The following NOTCH2NLC variants were observed in gnomAD, a reference collection of about 807,000 sequenced individuals.
The protein encoded by NOTCH2NLC is notch homolog 2 N-terminal-like protein C.
NOTCH2NLC carries 4 observed loss-of-function variants against 17.7 expected under a neutral mutation model. The ratio of observed to expected loss-of-function variants is 0.23; its 90% CI spans 0.11 to 0.52. NOTCH2NLC has a LOEUF of 0.52. Among genes scored for constraint, NOTCH2NLC ranks in the 20% least tolerant of loss-of-function variants. NOTCH2NLC has a pLI of 0.96. For synonymous variants in NOTCH2NLC, 18 were observed against 86.0 expected, an observed-to-expected ratio of 0.21 and a Z score of 4.38; for missense variants, 57 against 207.2, an observed-to-expected ratio of 0.28 and a Z score of 4.45.
intron 2 of NOTCH2NLC, among the ~76,000 whole-genome samples, chr1:149,453,501 C>A (rs1302270811): frequency 6.9e-6 from 1 of 145,616 alleles, no homozygotes; most frequent in Non-Finnish European, 1.6e-5. Flanking sequence ...TGTGCCCAGC[C>A]CACTTGCAAA....
At chr1:149,428,865 A>G (rs1283070846) in intron 1 of NOTCH2NLC, among the ~76,000 whole-genome samples, 1 of 150,556 alleles carries the variant, frequency 6.6e-6, no homozygotes, top group East Asian at 2.0e-4. Context: ...TTCCTTTCCT[A>G]CTGTGACGGT....
In NOTCH2NLC at chr1:149,390,802, A is replaced by AGACGGC. The variant is rs1553702671; in HGVS notation, c.16_17insACGGCG (p.Pro5_Gly6insAspGly). The AGACGGC allele has an allele frequency of 1.2e-6, 1 of 827,874 alleles. No homozygotes were observed. The highest frequency in any genetic ancestry group is 3.0e-5 in the South Asian group (1 of 33,724). The allele number at this position is 827,874 out of a possible 1,614,324, so 51.3% of individuals were successfully genotyped here. ...ACCCCCTCCCCATGTGGATCTGCCCAGGCGGCGGCGGCGGCGGCGGCGGCG... is the reference window on the plus strand; with the variant it reads ...ACCCCCTCCCCATGTGGATCTGCCCAGACGGCGGCGGCGGCGGCGGCGGCGGCGGCG... On this transcript the variant is annotated inframe_insertion, in exon 1 of 5. Coordinates refer to ENST00000650865, the MANE Select transcript of NOTCH2NLC (RefSeq NM_001364013.2).
intron 1 of NOTCH2NLC, among the ~76,000 whole-genome samples, chr1:149,424,980 C>T (rs2084405045): frequency 6.6e-6 from 1 of 151,348 alleles, no homozygotes; most frequent in Admixed American, 6.6e-5. Context: ...TAGGCCCCAC[C>T]TTCAACATTG....
intron 1 of NOTCH2NLC, among the ~76,000 whole-genome samples, chr1:149,429,844 G>C (rs1164455035): frequency 1.3e-5 from 2 of 150,076 alleles, no homozygotes; most frequent in African/African-American, 4.9e-5. Context: ...GAACTTCTCA[G>C]TTTTGCTTTC....
At chr1:149,449,691 A>G (rs2084580595) in intron 2 of NOTCH2NLC, among the ~76,000 whole-genome samples, 1 of 151,398 alleles carries the variant, frequency 6.6e-6, no homozygotes, top group Non-Finnish European at 1.5e-5. Flanking sequence ...AATTTAGTAG[A>G]CTTTAGTATT....
In NOTCH2NLC at chr1:149,471,270, G is replaced by A. The variant is rs1311507764; in HGVS notation, c.*7117G>A. Among the ~76,000 whole-genome samples, 14 of 150,786 alleles carry A rather than the reference G, an allele frequency of 9.3e-5. 2 individuals are homozygous for A. Among genetic ancestry groups the A allele is most frequent in the South Asian group, 6.3e-4 (3 of 4,768 alleles). The stretch of plus-strand genomic sequence containing the variant: ...TTGCAGATATTTTCTGTCATTCTAT[G>A]TACTGTCTTTTCACATTCTTGATGA... On this transcript the variant is annotated 3_prime_UTR_variant, in exon 5 of 5. Transcript: ENST00000650865.
intron 3 of NOTCH2NLC, among the ~76,000 whole-genome samples, chr1:149,461,812 A>T (rs2084651527): frequency 6.7e-6 from 1 of 149,480 alleles, no homozygotes; most frequent in South Asian, 2.1e-4. Context: ...ATAAAAAAGG[A>T]TGAGTTCATG....
rs1345379901 is a variant in NOTCH2NLC at position 149,390,766 on chromosome 1, C to T, written c.-22C>T. On this transcript the variant is annotated 5_prime_UTR_variant, in exon 1 of 5. Transcript: ENST00000650865. ...GAGGAGGGGAGGAGAGAGTGGGGCT[C>T]CTCTATCGGGACCCCCTCCCCATGT... is the stretch of plus-strand genomic sequence containing the variant. The T allele has an allele frequency of 8.0e-6, 10 of 1,248,112 alleles. No individual in the cohort carries two copies. The Admixed American group carries it at 2.2e-4, about 28-fold the overall frequency. The allele number at this position is 1,248,112 out of a possible 1,614,324, so 77.3% of individuals were successfully genotyped here.
intron 3 of NOTCH2NLC, among the ~76,000 whole-genome samples, chr1:149,463,216 G>A (rs1461971882): frequency 6.7e-6 from 1 of 149,886 alleles, no homozygotes; most frequent in Middle Eastern, 3.2e-3. Flanking sequence ...ATTGCTGATA[G>A]CGTCCTGCAG....
chr1:149,417,284 A>T (rs1439710638), intron 1 of NOTCH2NLC, among the ~76,000 whole-genome samples: 1 of 148,672 alleles, frequency 6.7e-6, no homozygotes, highest in Non-Finnish European at 1.5e-5. Context: ...AATTTTTTGT[A>T]TTTTCAGTAG....
At chr1:149,449,594 C>A (rs1316439125) in intron 2 of NOTCH2NLC, among the ~76,000 whole-genome samples, 1 of 150,444 alleles carries the variant, frequency 6.6e-6, no homozygotes, top group African/African-American at 2.4e-5. Flanking sequence ...GTAGAGATAA[C>A]CTGGAAATTG....
chr1:149,460,319 A>G (rs1235554834), intron 3 of NOTCH2NLC, among the ~76,000 whole-genome samples: 3 of 149,046 alleles, frequency 2.0e-5, no homozygotes, highest in African/African-American at 7.4e-5. Context: ...TGTGTTCTGC[A>G]AGATTCTGAT....
At chr1:149,398,846 G>C (rs1333730016) in intron 1 of NOTCH2NLC, among the ~76,000 whole-genome samples, 3 of 151,836 alleles carry the variant, frequency 2.0e-5, no homozygotes, top group Non-Finnish European at 4.4e-5. Context: ...CAGAACTCTG[G>C]GTTATTTGAA....
At chr1:149,427,004 C>CT in intron 1 of NOTCH2NLC, among the ~76,000 whole-genome samples, 2 of 149,250 alleles carry the variant, frequency 1.3e-5, no homozygotes, top group Admixed American at 1.3e-4. Flanking sequence ...GATTATTTTT[C>CT]TTTTTTAAAA....
At chr1:149,432,565 T>C (rs2084459137) in intron 2 of NOTCH2NLC, among the ~76,000 whole-genome samples, 2 of 151,086 alleles carry the variant, frequency 1.3e-5, no homozygotes, top group South Asian at 4.2e-4. Context: ...ACTGAAATCT[T>C]GTTTAGTCTT....
At position 149,412,828 on chromosome 1, in the gene NOTCH2NLC, A is replaced by AG. The variant is rs1249490851; in HGVS notation, c.136-18114_136-18113insG. ...ACTGCATCTCAAAAAAAAAAAAAAA[A>AG]AAACCAAGGTAAAGTAATTTTTCAA... On this transcript the variant is annotated intron_variant, in intron 1 of 4. Transcript: ENST00000650865. 2.7e-5 allele frequency among the ~76,000 whole-genome samples: 4 copies of AG among 147,006 alleles called. No individual in the cohort carries two copies. In the South Asian group the frequency reaches 8.6e-4, roughly 32 times the overall value.
chr1:149,394,876 G>A (rs2084196284), intron 1 of NOTCH2NLC, among the ~76,000 whole-genome samples: 2 of 150,612 alleles, frequency 1.3e-5, no homozygotes, highest in African/African-American at 2.4e-5. Context: ...CCTACCATAT[G>A]TGTAGTATTT....
At chr1:149,413,259 C>T (rs1251902445) in intron 1 of NOTCH2NLC, among the ~76,000 whole-genome samples, 3 of 150,792 alleles carry the variant, frequency 2.0e-5, no homozygotes, top group East Asian at 2.0e-4. Flanking sequence ...TCACACCATA[C>T]CACTTCCTTA....
intron 2 of NOTCH2NLC, among the ~76,000 whole-genome samples, chr1:149,433,924 A>C (rs1487916413): frequency 6.7e-6 from 1 of 149,660 alleles, no homozygotes; most frequent in Non-Finnish European, 1.5e-5. Context: ...CTCCAGCCTG[A>C]GCGACAGAGT....
Sources: allele counts gnomAD v4.1 joint callset (sites outside exome capture counted in the v4.1 genomes callset), GRCh38; gene constraint gnomAD v4.1.1; transcripts MANE v1.5; gene names NCBI Gene and HGNC (gene_info 2026-07-23, HGNC 2026-07-21).